Variants in PCDHGA8 observed in about 807,000 individuals in gnomAD.
The protein encoded by PCDHGA8 is protocadherin gamma-A8.
In PCDHGA8, 45 loss-of-function variants were observed where a neutral mutation model predicts 59.2. The observed-to-expected ratio is 0.76, with a 90% CI of 0.60 to 0.98. The LOEUF (loss-of-function observed/expected upper bound fraction) is 0.98. Among genes scored for constraint, PCDHGA8 ranks in the 50% least tolerant of loss-of-function variants. PCDHGA8 has a pLI of 0.00. For synonymous variants in PCDHGA8, 531 were observed against 519.0 expected, an observed-to-expected ratio of 1.02 and a Z score of -0.32; for missense variants, 1,257 against 1,196.2, an observed-to-expected ratio of 1.05 and a Z score of -0.75.
At chr5:141,479,391 T>G (rs2099494461) in intron 1 of PCDHGA8, 1 of 152,266 alleles carries the variant, frequency 6.6e-6, no homozygotes, top group Non-Finnish European at 1.5e-5. Flanking sequence ...AGCCCAGGAG[T>G]TCTGGGCTGT....
chr5:141,420,099 C>T (rs750814136), intron 1 of PCDHGA8: 4 of 1,613,996 alleles, frequency 2.5e-6, no homozygotes, highest in South Asian at 2.2e-5. Flanking sequence ...AGTGAGGGAA[C>T]GTTGCCCTAT....
chr5:141,503,894 T>C (rs898125492), intron 2 of PCDHGA8, among the ~76,000 whole-genome samples: 2 of 152,144 alleles, frequency 1.3e-5, no homozygotes, highest in African/African-American at 4.8e-5. Flanking sequence ...CATGACAAAA[T>C]ATGCACACAC....
Position 141,489,595 on chromosome 5 carries a change from G to A in PCDHGA8, c.2425-5212G>A. The A allele has an allele frequency of 1.2e-6, 2 of 1,614,132 alleles. No individual in the cohort carries two copies. Among genetic ancestry groups the A allele is most frequent in the Non-Finnish European group, 1.7e-6 (2 of 1,180,004 alleles). On this transcript the variant is annotated intron_variant, in intron 1 of 3. Coordinates refer to ENST00000398604, the MANE Select transcript of PCDHGA8 (RefSeq NM_032088.2). The surrounding 1 kb of genome is among the most constrained non-coding windows in gnomAD (Gnocchi z 4.5). Reference sequence around the variant, plus strand: ...TGAACACCCCCTGGAGCTAATCCGTGTAGAGGTAGAGATCCTGGATCTCAA... The same window carrying A: ...TGAACACCCCCTGGAGCTAATCCGTATAGAGGTAGAGATCCTGGATCTCAA...
At chr5:141,418,539 A>G (rs984639830) in intron 1 of PCDHGA8, 14 of 1,614,034 alleles carry the variant, frequency 8.7e-6, no homozygotes, top group Non-Finnish European at 1.0e-5. Context: ...GGTACTGCTC[A>G]GATAAGAATC....
chr5:141,485,408 T>C lies in PCDHGA8; in HGVS notation c.2425-9399T>C. On this transcript the variant is annotated intron_variant, in intron 1 of 3. Transcript: ENST00000398604. The surrounding 1 kb of genome is among the most constrained non-coding windows in gnomAD (Gnocchi z 5.7). ...GAACCAAAGACACTTCCGTGTGGAT[T>C]TGGACAGCGGAGCCCTGCTCATCAA... 1 of 1,614,112 alleles carries C rather than the reference T, an allele frequency of 6.2e-7. No individual in the cohort carries two copies. Among genetic ancestry groups the C allele is most frequent in the Non-Finnish European group, 8.5e-7 (1 of 1,180,034 alleles).
chr5:141,482,530 CA>C (rs3074545), intron 1 of PCDHGA8, among the ~76,000 whole-genome samples: 1,133 of 76,538 alleles, frequency 0.015, 6 homozygotes, highest in Admixed American at 0.025. Flanking sequence ...GACAGACATG[CA>C]AAAAAAAAAA....
At chr5:141,418,405 G>T in intron 1 of PCDHGA8, 1 of 1,614,020 alleles carries the variant, frequency 6.2e-7, no homozygotes, top group African/African-American at 1.3e-5. Context: ...CATTGGTGGA[G>T]AAAGACAATC....
At chr5:141,459,237 C>T (rs1004453705) in intron 1 of PCDHGA8, among the ~76,000 whole-genome samples, 1 of 152,214 alleles carries the variant, frequency 6.6e-6, no homozygotes, top group Admixed American at 6.5e-5. Flanking sequence ...AACTGGTCTG[C>T]TTCCTGTCAC....
At chr5:141,420,175 T>C (rs901184536) in intron 1 of PCDHGA8, 6 of 1,614,004 alleles carry the variant, frequency 3.7e-6, no homozygotes, top group Non-Finnish European at 5.1e-6. Context: ...CATCTGTTGA[T>C]CATTGTCCAG....
At chr5:141,464,278 G>GAAAA (rs2099080310) in intron 1 of PCDHGA8, among the ~76,000 whole-genome samples, 1 of 121,594 alleles carries the variant, frequency 8.2e-6, no homozygotes. Context: ...AAAAAAAAAA[G>GAAAA]CAAAAAAAAA....
At position 141,486,134 on chromosome 5, in the gene PCDHGA8, C is replaced by T; in HGVS notation, c.2425-8673C>T. 6.2e-7 allele frequency: 1 copy of T among 1,614,168 alleles called. No homozygotes were observed. ...TGAGAATTACTATGAATTTGATGTG[C>T]GGGCTCGCGATGGGGGTTCTCCAGC... On this transcript the variant is annotated intron_variant, in intron 1 of 3. Coordinates refer to ENST00000398604, the MANE Select transcript of PCDHGA8 (RefSeq NM_032088.2). The surrounding 1 kb of genome is among the most constrained non-coding windows in gnomAD (Gnocchi z 5.0).
At chr5:141,496,146 G>A (rs749790409) in intron 2 of PCDHGA8, among the ~76,000 whole-genome samples, 1 of 151,170 alleles carries the variant, frequency 6.6e-6, no homozygotes, top group Non-Finnish European at 1.5e-5. Flanking sequence ...GCCTTTGATC[G>A]CAGCTCTCCA....
At chr5:141,399,822 C>G (rs755182775) in intron 1 of PCDHGA8, 6 of 1,613,084 alleles carry the variant, frequency 3.7e-6, no homozygotes, top group East Asian at 2.2e-5. Context: ...CGCTGGGTCC[C>G]GACGGCTCTG....
intron 1 of PCDHGA8, chr5:141,419,306 C>A: frequency 1.9e-6 from 3 of 1,614,032 alleles, no homozygotes; most frequent in Non-Finnish European, 2.5e-6. Context: ...AGACTTCGGG[C>A]TCAACGGCCG....
At chr5:141,450,998 T>C (rs2098703513) in intron 1 of PCDHGA8, among the ~76,000 whole-genome samples, 1 of 151,696 alleles carries the variant, frequency 6.6e-6, no homozygotes, top group Non-Finnish European at 1.5e-5. Flanking sequence ...CTAATTTTTT[T>C]GTATTTTTTT....
chr5:141,404,849 C>G, intron 1 of PCDHGA8: 1 of 1,613,862 alleles, frequency 6.2e-7, no homozygotes, highest in Non-Finnish European at 8.5e-7. Context: ...TCGGGCCCTG[C>G]TAGATAGAGA....
chr5:141,410,909 A>G lies in PCDHGA8; in HGVS notation c.2424+15672A>G, dbSNP rs183334545. Reference sequence around the variant, plus strand: ...CGCACTGTTGCCTAGGCTGGAGTGCAGTGGCGTGATCTCTGCTCACTGCAA... The same window carrying G: ...CGCACTGTTGCCTAGGCTGGAGTGCGGTGGCGTGATCTCTGCTCACTGCAA... On this transcript the variant is annotated intron_variant, in intron 1 of 3. Coordinates refer to ENST00000398604, the MANE Select transcript of PCDHGA8 (RefSeq NM_032088.2). 188 of 259,978 alleles carry G rather than the reference A, an allele frequency of 7.2e-4. 1 individual carries two copies. Among genetic ancestry groups the G allele is most frequent in the African/African-American group, 5.3e-3 (172 of 32,394 alleles). The allele number at this position is 259,978 out of a possible 1,614,324, so 16.1% of individuals were successfully genotyped here.
At chr5:141,495,102 C>A (rs1344771035) in intron 2 of PCDHGA8, among the ~76,000 whole-genome samples, 3 of 152,160 alleles carry the variant, frequency 2.0e-5, no homozygotes, top group Non-Finnish European at 4.4e-5. Flanking sequence ...CTCGCCACGA[C>A]CGGCACCTTT....
intron 1 of PCDHGA8, chr5:141,423,709 C>G (rs2096768343): frequency 8.7e-7 from 1 of 1,147,590 alleles, no homozygotes; most frequent in African/African-American, 1.9e-5. Context: ...TGGCACAAGT[C>G]TTTTAAGGAG....
Sources: allele counts gnomAD v4.1 joint callset (sites outside exome capture counted in the v4.1 genomes callset), GRCh38; gene constraint gnomAD v4.1.1; non-coding constraint Gnocchi (gnomAD v3.1); transcripts MANE v1.5; gene names NCBI Gene and HGNC (gene_info 2026-07-23, HGNC 2026-07-21).